ELMO1: variants seen among roughly 807,000 people sequenced by gnomAD.
The protein encoded by ELMO1 is engulfment and cell motility 1.
In ELMO1, 26 loss-of-function variants were observed where a neutral mutation model predicts 98.9. The observed-to-expected ratio is 0.26, with a 90% CI of 0.19 to 0.36. The LOEUF (loss-of-function observed/expected upper bound fraction) is 0.36, where lower values mean the gene tolerates loss of function less well. Among genes scored for constraint, ELMO1 ranks in the 10% least tolerant of loss-of-function variants. ELMO1 has a pLI of 1.00. For missense variants in ELMO1, 627 were observed against 935.2 expected (o/e 0.67, Z 4.30); for synonymous variants, 346 against 346.0 (o/e 1.00, Z 0.00).
At chr7:37,193,563 G>A (rs889002284) in intron 13 of ELMO1, among the ~76,000 whole-genome samples, 21 of 152,268 alleles carry the variant, frequency 1.4e-4, no homozygotes, top group Admixed American at 9.8e-4. Context: ...CAGGAGCTTA[G>A]AGGCACAGCC....
chr7:36,947,260 G>C (rs1252090704), intron 16 of ELMO1, among the ~76,000 whole-genome samples: 1 of 152,180 alleles, frequency 6.6e-6, no homozygotes, highest in Non-Finnish European at 1.5e-5. Flanking sequence ...TTCTAGCTTT[G>C]AGCAGGACAG....
rs116819391 is a variant in ELMO1 at position 36,968,408 on chromosome 7, A to C, written c.1437+44891T>G. On this transcript the variant is annotated intron_variant, in intron 16 of 21. Transcript: ENST00000310758. Reference sequence around the variant, plus strand: ...TAATCTATACTTCAACTGGCAAAGTATGACACTTTGCTTTATGAGCAATGT... The same window carrying C: ...TAATCTATACTTCAACTGGCAAAGTCTGACACTTTGCTTTATGAGCAATGT... Among the ~76,000 whole-genome samples the C allele has an allele frequency of 2.5e-3, 386 of 152,342 alleles. 2 individuals are homozygous for C. The highest frequency in any genetic ancestry group is 8.5e-3 in the African/African-American group (355 of 41,580).
chr7:37,301,535 A>G (rs1204156366), intron 4 of ELMO1, among the ~76,000 whole-genome samples: 1 of 152,054 alleles, frequency 6.6e-6, no homozygotes, highest in East Asian at 1.9e-4. Flanking sequence ...CAGAGACAGT[A>G]AAGAGCTGCA....
intron 18 of ELMO1, among the ~76,000 whole-genome samples, chr7:36,881,467 C>A (rs551951373): frequency 6.6e-6 from 1 of 152,048 alleles, no homozygotes; most frequent in Non-Finnish European, 1.5e-5. Flanking sequence ...GAGTGAATTG[C>A]GTCACTAAAA....
intron 13 of ELMO1, among the ~76,000 whole-genome samples, chr7:37,164,094 A>G (rs1224757850): frequency 6.6e-6 from 1 of 152,140 alleles, no homozygotes; most frequent in African/African-American, 2.4e-5. Flanking sequence ...GCCAGTGATG[A>G]TGAGCATTTT....
intron 14 of ELMO1, among the ~76,000 whole-genome samples, chr7:37,129,863 C>A (rs958716779): frequency 2.0e-5 from 3 of 152,156 alleles, no homozygotes; most frequent in African/African-American, 7.2e-5. Context: ...TTAAGACATC[C>A]CCACTGAAGT....
chr7:36,940,174 C>A (rs1048007265), intron 16 of ELMO1, among the ~76,000 whole-genome samples: 2 of 152,194 alleles, frequency 1.3e-5, no homozygotes, highest in Non-Finnish European at 2.9e-5. Flanking sequence ...CCTGAAGGGA[C>A]TTTCTAAATG....
intron 5 of ELMO1, among the ~76,000 whole-genome samples, chr7:37,265,226 CCT>C (rs774220390): frequency 3.3e-5 from 5 of 152,070 alleles, no homozygotes; most frequent in African/African-American, 7.2e-5. Context: ...TGGCGGGGAC[CCT>C]GTTTCCTATC....
At chr7:37,246,866 CTCTATCTA>C (rs10547342) in intron 6 of ELMO1, among the ~76,000 whole-genome samples, 22 of 151,096 alleles carry the variant, frequency 1.5e-4, no homozygotes, top group South Asian at 6.3e-4. Flanking sequence ...CTATATATAT[CTCTATCTA>C]TCTATCTATC....
chr7:36,910,331 C>T (rs998284425), intron 16 of ELMO1, among the ~76,000 whole-genome samples: 3 of 152,210 alleles, frequency 2.0e-5, no homozygotes. Flanking sequence ...GCCAAATGAA[C>T]AGGCTCTAGT....
chr7:36,930,535 A>T (rs996539344), intron 16 of ELMO1, among the ~76,000 whole-genome samples: 4 of 152,234 alleles, frequency 2.6e-5, no homozygotes, highest in Non-Finnish European at 5.9e-5. Context: ...CTCCCAAGCC[A>T]CATGCTGTGC....
intron 13 of ELMO1, among the ~76,000 whole-genome samples, chr7:37,164,146 G>A (rs1349004385): frequency 6.6e-6 from 1 of 152,172 alleles, no homozygotes; most frequent in South Asian, 2.1e-4. Context: ...CTTTTGAGAA[G>A]TGTCTGTTCA....
chr7:37,389,091 CT>C (rs1430692127), intron 1 of ELMO1, among the ~76,000 whole-genome samples: 1 of 152,154 alleles, frequency 6.6e-6, no homozygotes, highest in Non-Finnish European at 1.5e-5. Flanking sequence ...CTTTTTTAAA[CT>C]TTAATTCAAG....
intron 14 of ELMO1, among the ~76,000 whole-genome samples, chr7:37,102,858 G>C (rs1784712337): frequency 6.6e-6 from 1 of 152,190 alleles, no homozygotes; most frequent in Non-Finnish European, 1.5e-5. Context: ...CAGAAAGGGT[G>C]AAATATTACA....
intron 5 of ELMO1, chr7:37,270,771 T>C (rs1483425732): frequency 6.6e-6 from 1 of 152,116 alleles, no homozygotes; most frequent in Non-Finnish European, 1.5e-5. Flanking sequence ...AGTTCTTATG[T>C]AGAATCAGCT....
chr7:36,962,370 G>T (rs1461317043), intron 16 of ELMO1, among the ~76,000 whole-genome samples: 3 of 152,192 alleles, frequency 2.0e-5, no homozygotes, highest in Non-Finnish European at 4.4e-5. Flanking sequence ...TGAGGCAGGG[G>T]AATGCATCAT....
intron 1 of ELMO1, among the ~76,000 whole-genome samples, chr7:37,422,178 C>CATCCCA (rs1171041452): frequency 6.6e-6 from 1 of 152,206 alleles, no homozygotes; most frequent in Non-Finnish European, 1.5e-5. Context: ...GACTCATCCT[C>CATCCCA]ATCCCAATTT....
chr7:37,419,320 T>C (rs1023693405), intron 1 of ELMO1, among the ~76,000 whole-genome samples: 1 of 152,208 alleles, frequency 6.6e-6, no homozygotes. Flanking sequence ...CAGAATTAAT[T>C]AGGAGAACAG....
At chr7:37,152,444 CTTTTT>C (rs11421529) in intron 13 of ELMO1, among the ~76,000 whole-genome samples, 1 of 143,806 alleles carries the variant, frequency 7.0e-6, no homozygotes, top group Non-Finnish European at 1.5e-5. Context: ...AATGTTGGGG[CTTTTT>C]TTTTTTTTTT....
Sources: allele counts gnomAD v4.1 joint callset (sites outside exome capture counted in the v4.1 genomes callset), GRCh38; gene constraint gnomAD v4.1.1; transcripts MANE v1.5; gene names NCBI Gene and HGNC (gene_info 2026-07-23, HGNC 2026-07-21).